AFF3: variants seen among roughly 807,000 people sequenced by gnomAD.
The protein encoded by AFF3 is ALF transcription elongation factor 3.
AFF3 carries 32 observed loss-of-function variants against 129.7 expected under a neutral mutation model. That is an observed-to-expected ratio of 0.25 (90% CI 0.19 to 0.33). The LOEUF (loss-of-function observed/expected upper bound fraction) is 0.33. AFF3 is among the 10% of genes least tolerant of loss of function. AFF3 has a pLI of 1.00. For missense variants in AFF3, 1,373 were observed against 1,592.0 expected, an observed-to-expected ratio of 0.86 and a Z score of 2.34; for synonymous variants, 644 against 635.4, an observed-to-expected ratio of 1.01 and a Z score of -0.20.
At chr2:99,784,209 T>C (rs920673893) in intron 8 of AFF3, among the ~76,000 whole-genome samples, 2 of 152,222 alleles carry the variant, frequency 1.3e-5, no homozygotes, top group African/African-American at 2.4e-5. Context: ...ATAGCCCAGT[T>C]ACCAGAACTT....
chr2:99,958,271 T>A (rs990465311), intron 7 of AFF3, among the ~76,000 whole-genome samples: 2 of 151,958 alleles, frequency 1.3e-5, no homozygotes, highest in Non-Finnish European at 2.9e-5. Flanking sequence ...AGTGGGCAGA[T>A]CACTTAAGGT....
At chr2:99,709,025 G>A (rs925006731) in intron 11 of AFF3, among the ~76,000 whole-genome samples, 3 of 152,164 alleles carry the variant, frequency 2.0e-5, no homozygotes, top group African/African-American at 4.8e-5. Context: ...AACAGAAGGG[G>A]GTAAAGGGAG....
intron 13 of AFF3, among the ~76,000 whole-genome samples, chr2:99,639,885 G>A (rs1684024892): frequency 1.3e-5 from 2 of 151,904 alleles, no homozygotes; most frequent in African/African-American, 4.8e-5. Context: ...TAGAGGTAGG[G>A]TTTCACCATG....
At chr2:99,936,357 C>G (rs569261939) in intron 7 of AFF3, among the ~76,000 whole-genome samples, 229 of 152,214 alleles carry the variant, frequency 1.5e-3, no homozygotes, top group African/African-American at 5.2e-3. Flanking sequence ...GTATCAGCAC[C>G]TGGCCTGCTT....
intron 8 of AFF3, among the ~76,000 whole-genome samples, chr2:99,772,641 C>T (rs996783893): frequency 6.6e-6 from 1 of 152,146 alleles, no homozygotes; most frequent in Non-Finnish European, 1.5e-5. Context: ...TTCTGAACAG[C>T]CTGAAGTGAT....
At chr2:99,569,874 T>G (rs182828983) in intron 18 of AFF3, among the ~76,000 whole-genome samples, 1 of 152,266 alleles carries the variant, frequency 6.6e-6, no homozygotes, top group Admixed American at 6.5e-5. Context: ...AATGATTACA[T>G]GCTTATTTTG....
At chr2:100,142,095 G>A (rs143735492) in intron 1 of AFF3, among the ~76,000 whole-genome samples, 2 of 152,176 alleles carry the variant, frequency 1.3e-5, no homozygotes, top group African/African-American at 4.8e-5. Flanking sequence ...TGAGGTTATA[G>A]CTAATGAGCA....
intron 7 of AFF3, among the ~76,000 whole-genome samples, chr2:100,001,617 C>G (rs371375247): frequency 1.3e-5 from 2 of 152,140 alleles, no homozygotes; most frequent in East Asian, 3.9e-4. Flanking sequence ...TTAGTAGACA[C>G]GAGGTTTACC....
chr2:99,937,271 C>A (rs1257936710), intron 7 of AFF3, among the ~76,000 whole-genome samples: 1 of 151,968 alleles, frequency 6.6e-6, no homozygotes, highest in East Asian at 1.9e-4. Context: ...GATGCTCAAC[C>A]TGGATAAGAG....
chr2:99,863,605 G>A (rs139820467), intron 7 of AFF3, among the ~76,000 whole-genome samples: 55 of 152,242 alleles, frequency 3.6e-4, no homozygotes, highest in African/African-American at 1.2e-3. Flanking sequence ...TGATGTATAC[G>A]TGATGCTCTG....
chr2:99,686,665 C>T (rs1340558036), intron 11 of AFF3, among the ~76,000 whole-genome samples: 4 of 152,178 alleles, frequency 2.6e-5, no homozygotes, highest in African/African-American at 9.7e-5. Flanking sequence ...GAGGGAGTGA[C>T]ATTAATGGTA....
rs116900094 is a variant in AFF3, at chr2:99,608,219, A to C, written c.1185-6598T>G. Reference sequence around the variant, plus strand: ...TTGCATATGATATTTTCTGTGCCAGAAAGTCCTTTCTCCCTTTTTCCTTTG... The same window carrying C: ...TTGCATATGATATTTTCTGTGCCAGCAAGTCCTTTCTCCCTTTTTCCTTTG... On this transcript the variant is annotated intron_variant, in intron 13 of 24. Coordinates refer to ENST00000672756, the MANE Select transcript of AFF3 (RefSeq NM_001386135.1). 6.0e-3 allele frequency among the ~76,000 whole-genome samples: 907 copies of C among 152,270 alleles called. 8 individuals carry two copies. Among genetic ancestry groups the C allele is most frequent in the East Asian group, 0.02 (103 of 5,184 alleles).
At chr2:100,131,867 T>C (rs1692441574) in intron 1 of AFF3, among the ~76,000 whole-genome samples, 1 of 152,238 alleles carries the variant, frequency 6.6e-6, no homozygotes, top group Admixed American at 6.5e-5. Context: ...AGGGTTCATA[T>C]CTTTGCTCAT....
In AFF3 at chr2:99,682,154, G is replaced by A. The variant is rs1265155592; in HGVS notation, c.1092-9565C>T. Among the ~76,000 whole-genome samples the A allele has an allele frequency of 2.0e-5, 3 of 151,862 alleles. 1 individual carries two copies. The highest frequency in any genetic ancestry group is 4.4e-5 in the Non-Finnish European group (3 of 67,974). ...ACTCCTGACCTCAGGTGATCTGCCC[G>A]CCTTGGCCTCCCAAAGTGCTGGGAT... On this transcript the variant is annotated intron_variant, in intron 11 of 24. Transcript: ENST00000672756.
Position 99,593,930 on chromosome 2 carries a change from C to G in AFF3, c.1731G>C (p.Ala577=). Residue 577 remains alanine, a synonymous_variant, in exon 15 of 25, where the codon GCG becomes GCC. Transcript: ENST00000672756. ...TCTTGCCCGCGGACCTCCGGGCAGGCGCGGGCGCGTTCTCCGCGGGCGCAC... is the reference window on the plus strand; with the variant it reads ...TCTTGCCCGCGGACCTCCGGGCAGGGGCGGGCGCGTTCTCCGCGGGCGCAC... The part of the protein sequence containing the change: ...VPCAPAENAP[A]PARRSAGKKP... The G allele has an allele frequency of 1.4e-6, 2 of 1,396,472 alleles. No individual in the cohort carries two copies. Among genetic ancestry groups the G allele is most frequent in the Non-Finnish European group, 1.9e-6 (2 of 1,076,742 alleles). The allele number at this position is 1,396,472 out of a possible 1,614,324, so 86.5% of individuals were successfully genotyped here. A position where few individuals can be genotyped will look rare whatever the true frequency, so the allele number is the denominator to read the frequency against.
At position 99,762,444 on chromosome 2, in the gene AFF3, C is replaced by T. The variant is rs955311299; in HGVS notation, c.922-10143G>A. On this transcript the variant is annotated intron_variant, in intron 8 of 24. Transcript: ENST00000672756. ...CCGGCCAATGCCACTTATTTAGCAA[C>T]TACATGCTACTCAGTGCTGTGAGCT... Among the ~76,000 whole-genome samples, 52 of 152,142 alleles carry T rather than the reference C, an allele frequency of 3.4e-4. 1 individual carries two copies. Among genetic ancestry groups the T allele is most frequent in the African/African-American group, 1.3e-3 (52 of 41,428 alleles).
At chr2:99,696,370 C>T (rs1396458744) in intron 11 of AFF3, among the ~76,000 whole-genome samples, 1 of 152,122 alleles carries the variant, frequency 6.6e-6, no homozygotes, top group Admixed American at 6.5e-5. Context: ...AAAGAGTGTG[C>T]AATTTTAAGT....
At chr2:99,560,031 C>A (rs1480316130) in intron 21 of AFF3, among the ~76,000 whole-genome samples, 2 of 152,174 alleles carry the variant, frequency 1.3e-5, no homozygotes, top group African/African-American at 4.8e-5. Flanking sequence ...GAGGCTGAGG[C>A]AGGCAGATCA....
At chr2:100,025,731 C>G (rs1310618151) in intron 4 of AFF3, among the ~76,000 whole-genome samples, 2 of 152,106 alleles carry the variant, frequency 1.3e-5, no homozygotes, top group Admixed American at 1.3e-4. Context: ...ATAGAGAACC[C>G]AGAAATAAAC....
Sources: allele counts gnomAD v4.1 joint callset (sites outside exome capture counted in the v4.1 genomes callset), GRCh38; gene constraint gnomAD v4.1.1; transcripts MANE v1.5; gene names NCBI Gene and HGNC (gene_info 2026-07-23, HGNC 2026-07-21).